The following PLEKHA7 variants were observed in gnomAD, a reference collection of about 807,000 sequenced individuals.
PLEKHA7 encodes the protein pleckstrin homology domain containing A7.
Under a neutral mutation model 170.0 loss-of-function variants are expected in PLEKHA7, and 104 were observed. The ratio of observed to expected loss-of-function variants is 0.61; its 90% CI spans 0.52 to 0.72. The LOEUF (loss-of-function observed/expected upper bound fraction) is 0.72. Among genes scored for constraint, PLEKHA7 ranks in the 30% least tolerant of loss-of-function variants. The pLI is 0.00. For missense variants in PLEKHA7, 1,615 were observed against 1,671.7 expected, an observed-to-expected ratio of 0.97 and a Z score of 0.59; for synonymous variants, 648 against 660.8, an observed-to-expected ratio of 0.98 and a Z score of 0.30.
chr11:16,856,983 G>A (rs1468277049), intron 4 of PLEKHA7, among the ~76,000 whole-genome samples: 1 of 152,216 alleles, frequency 6.6e-6, no homozygotes, highest in African/African-American at 2.4e-5. Context: ...ACCCTGAGGA[G>A]ATGCAGCTAG....
At chr11:16,964,177 A>G (rs1862231868) in intron 3 of PLEKHA7, among the ~76,000 whole-genome samples, 1 of 152,180 alleles carries the variant, frequency 6.6e-6, no homozygotes, top group South Asian at 2.1e-4. Flanking sequence ...GTAATATTCA[A>G]TTATATGTAT....
At chr11:16,872,096 G>C (rs933937511) in intron 3 of PLEKHA7, among the ~76,000 whole-genome samples, 2 of 151,076 alleles carry the variant, frequency 1.3e-5, no homozygotes, top group African/African-American at 4.9e-5. Flanking sequence ...AGCCTCCCAA[G>C]TAGCTGGAAT....
chr11:16,941,957 T>C (rs1043496084), intron 3 of PLEKHA7, among the ~76,000 whole-genome samples: 1 of 152,278 alleles, frequency 6.6e-6, no homozygotes, highest in Non-Finnish European at 1.5e-5. Context: ...TGTTCACTGC[T>C]GTACCCCAGT....
chr11:17,001,829 C>T (rs1170667560), intron 3 of PLEKHA7, among the ~76,000 whole-genome samples: 1 of 151,990 alleles, frequency 6.6e-6, no homozygotes, highest in Admixed American at 6.6e-5. Context: ...CCAGCAGCCC[C>T]AGGAAGAGAC....
chr11:16,831,232 C>G (rs923515061), intron 9 of PLEKHA7, among the ~76,000 whole-genome samples: 25 of 152,176 alleles, frequency 1.6e-4, no homozygotes, highest in African/African-American at 5.8e-4. Flanking sequence ...CCTACTCCCC[C>G]ACCTTACCAG....
chr11:16,861,069 G>A (rs1853905727), intron 4 of PLEKHA7, among the ~76,000 whole-genome samples: 1 of 152,208 alleles, frequency 6.6e-6, no homozygotes, highest in African/African-American at 2.4e-5. Flanking sequence ...CAAGGCATAT[G>A]TCTCCAGAAA....
intron 12 of PLEKHA7, chr11:16,815,375 A>C (rs1307785613): frequency 6.6e-6 from 1 of 152,640 alleles, no homozygotes; most frequent in Non-Finnish European, 1.5e-5. Flanking sequence ...CCCCGGTGTC[A>C]GTGCCAGGAC....
intron 3 of PLEKHA7, among the ~76,000 whole-genome samples, chr11:16,880,062 C>A (rs565267189): frequency 6.6e-6 from 1 of 152,286 alleles, no homozygotes; most frequent in Non-Finnish European, 1.5e-5. Context: ...CTCAGAGAGC[C>A]CTTTCCTAAT....
intron 3 of PLEKHA7, among the ~76,000 whole-genome samples, chr11:16,972,145 T>C (rs4757461): frequency 0.74 from 112,230 of 151,750 alleles, 41,831 homozygotes; most frequent in East Asian, 0.87. Flanking sequence ...GTTTTTGAGA[T>C]GGGGTCTCAC....
chr11:16,818,025 C>A (rs1448993804), intron 10 of PLEKHA7, among the ~76,000 whole-genome samples: 1 of 152,194 alleles, frequency 6.6e-6, no homozygotes, highest in Non-Finnish European at 1.5e-5. Flanking sequence ...ACGCCAAATG[C>A]CTAGGGCCCA....
chr11:16,994,556 C>A (rs1323613192), intron 3 of PLEKHA7, among the ~76,000 whole-genome samples: 1 of 152,156 alleles, frequency 6.6e-6, no homozygotes, highest in Non-Finnish European at 1.5e-5. Flanking sequence ...GCATATTCCA[C>A]CTTCCTCCCG....
At chr11:16,972,392 GAT>G (rs920873846) in intron 3 of PLEKHA7, among the ~76,000 whole-genome samples, 1 of 152,004 alleles carries the variant, frequency 6.6e-6, no homozygotes, top group African/African-American at 2.4e-5. Context: ...AAAGTGCTGG[GAT>G]TACAGGCGTG....
intron 10 of PLEKHA7, among the ~76,000 whole-genome samples, chr11:16,825,703 G>GA (rs1850580527): frequency 6.6e-6 from 1 of 151,490 alleles, no homozygotes; most frequent in African/African-American, 2.4e-5. Context: ...AATTAAAAAT[G>GA]AATCTGTATT....
chr11:16,807,544 G>A (rs1322950000), intron 13 of PLEKHA7, among the ~76,000 whole-genome samples: 4 of 152,086 alleles, frequency 2.6e-5, no homozygotes, highest in African/African-American at 9.7e-5. Flanking sequence ...CTGGTTCTGC[G>A]GCAGAAGGCA....
chr11:16,993,334 T>TG (rs1864157041), intron 3 of PLEKHA7, among the ~76,000 whole-genome samples: 1 of 151,112 alleles, frequency 6.6e-6, no homozygotes, highest in Non-Finnish European at 1.5e-5. Context: ...GCGGGCAGAG[T>TG]GGGGGGCAGG....
chr11:16,931,551 T>A (rs991272472), intron 3 of PLEKHA7, among the ~76,000 whole-genome samples: 1 of 152,132 alleles, frequency 6.6e-6, no homozygotes, highest in East Asian at 1.9e-4. Flanking sequence ...GGCAAAATCC[T>A]GTCTCTACTA....
intron 3 of PLEKHA7, among the ~76,000 whole-genome samples, chr11:16,977,821 T>C (rs1467131348): frequency 6.6e-6 from 1 of 152,120 alleles, no homozygotes; most frequent in Non-Finnish European, 1.5e-5. Context: ...CTGGGCAACT[T>C]AAGTAAGTTA....
At chr11:16,896,157 C>T (rs1374640372) in intron 3 of PLEKHA7, among the ~76,000 whole-genome samples, 1 of 152,232 alleles carries the variant, frequency 6.6e-6, no homozygotes, top group Non-Finnish European at 1.5e-5. Context: ...CTATATCCAA[C>T]TGTCTATTAG....
chr11:16,789,525 G>C lies in PLEKHA7; in HGVS notation c.3157-229C>G. On this transcript the variant is annotated intron_variant, in intron 22 of 26. Transcript: ENST00000531066. The surrounding 1 kb of genome is among the most constrained non-coding windows in gnomAD (Gnocchi z 4.6). The stretch of plus-strand genomic sequence containing the variant: ...CTGCAGATGCAGACACTTAGGCTCA[G>C]GCCTGTCCAGTGAGGCCAGAACCCA... 1.6e-6 allele frequency: 1 copy of C among 618,214 alleles called. No homozygotes were observed. The highest frequency in any genetic ancestry group is 2.7e-5 in the East Asian group (1 of 36,478). 38.3% of individuals were successfully genotyped at this position (618,214 alleles called of 1,614,324 possible).
Sources: allele counts gnomAD v4.1 joint callset (sites outside exome capture counted in the v4.1 genomes callset), GRCh38; gene constraint gnomAD v4.1.1; non-coding constraint Gnocchi (gnomAD v3.1); transcripts MANE v1.5; gene names NCBI Gene and HGNC (gene_info 2026-07-23, HGNC 2026-07-21).